The following C6 variants were observed in gnomAD, a reference collection of about 807,000 sequenced individuals.
C6 encodes the protein complement component C6.
In C6, 101 loss-of-function variants were observed where a neutral mutation model predicts 112.9. The observed-to-expected ratio is 0.89, with a 90% CI of 0.76 to 1.06. The LOEUF is 1.06. C6 is among the 50% of genes least tolerant of loss of function. C6 has a pLI of 0.00. For synonymous variants in C6, 431 were observed against 384.1 expected, an observed-to-expected ratio of 1.12 and a Z score of -1.43; for missense variants, 1,202 against 1,104.6, an observed-to-expected ratio of 1.09 and a Z score of -1.25.
chr5:41,253,710 G>A (rs1741506332), intron 1 of C6, among the ~76,000 whole-genome samples: 1 of 152,132 alleles, frequency 6.6e-6, no homozygotes, highest in Non-Finnish European at 1.5e-5. Context: ...ATCCAGAGTG[G>A]AATGTAATTG....
rs1431950819 is a variant in C6, at chr5:41,230,028, T to C, written c.-20-26778A>G. Among the ~76,000 whole-genome samples, 7 of 152,314 alleles carry C rather than the reference T, an allele frequency of 4.6e-5. No homozygotes were observed. In the East Asian group the frequency reaches 1.4e-3, roughly 29 times the overall value. On this transcript the variant is annotated intron_variant, in intron 1 of 17. Transcript: ENST00000263413. The stretch of plus-strand genomic sequence containing the variant: ...AATCGCTGAACATAAATTGTGAAGA[T>C]TTCATGGACATTTATCACTTCCCTA...
chr5:41,203,176 C>G lies in C6; in HGVS notation c.55G>C (p.Gly19Arg). ...TAGTGATCACAGAAGCAGGCTTGGC[C>G]CTTGTTGATCAGAGCATTCAGCAGG... The part of the protein sequence containing the change: ...FILLNALINK[G>R]QACFCDHYAW... Residue 19 changes from glycine (G) to arginine (R), a missense_variant, in exon 2 of 18, where the codon GGC becomes CGC. Gly to Arg is a moderately radical substitution (Grantham distance 125). Coordinates refer to ENST00000337836, the MANE Select transcript of C6 (RefSeq NM_000065.5). The G allele has an allele frequency of 6.2e-7, 1 of 1,614,058 alleles. No homozygotes were observed. Among genetic ancestry groups the G allele is most frequent in the Non-Finnish European group, 8.5e-7 (1 of 1,179,986 alleles).
At chr5:41,158,972 A>G in intron 12 of C6, 110 bp downstream of exon 12, 2 of 1,358,494 alleles carry the variant, frequency 1.5e-6, no homozygotes, top group Admixed American at 1.7e-5. Flanking sequence ...TGGCATAGGT[A>G]AAGTTCTAAT....
intron 2 of C6, among the ~76,000 whole-genome samples, chr5:41,202,869 T>C (rs537497658): frequency 6.6e-6 from 1 of 152,342 alleles, no homozygotes; most frequent in South Asian, 2.1e-4. Context: ...GCACAGATTC[T>C]TAATTAAATT....
intron 1 of C6, among the ~76,000 whole-genome samples, chr5:41,210,002 C>T (rs1293941096): frequency 6.6e-6 from 1 of 152,162 alleles, no homozygotes; most frequent in Non-Finnish European, 1.5e-5. Context: ...CAGCATGGTA[C>T]TGGTACCAAA....
chr5:41,234,132 G>A (rs1289256649), intron 1 of C6, among the ~76,000 whole-genome samples: 1 of 152,002 alleles, frequency 6.6e-6, no homozygotes, highest in East Asian at 1.9e-4. Context: ...CTTTCCCACA[G>A]GGGTCATTCT....
chr5:41,209,545 G>A (rs567584740), intron 1 of C6, among the ~76,000 whole-genome samples: 2 of 152,252 alleles, frequency 1.3e-5, no homozygotes, highest in Admixed American at 6.5e-5. Flanking sequence ...AAATCAATGT[G>A]CAAAAATCAC....
At chr5:41,223,203 A>G (rs1467294869) in intron 1 of C6, among the ~76,000 whole-genome samples, 1 of 152,186 alleles carries the variant, frequency 6.6e-6, no homozygotes, top group Non-Finnish European at 1.5e-5. Context: ...CACACTGGGC[A>G]CTGGGGCGAT....
chr5:41,178,600 C>T (rs746729669), intron 7 of C6, among the ~76,000 whole-genome samples: 26 of 146,892 alleles, frequency 1.8e-4, no homozygotes, highest in Non-Finnish European at 2.7e-4. Flanking sequence ...CTCAGCCTCC[C>T]GAGTAGCTGG....
intron 1 of C6, among the ~76,000 whole-genome samples, chr5:41,210,469 C>G (rs1751820657): frequency 6.6e-6 from 1 of 152,154 alleles, no homozygotes; most frequent in Non-Finnish European, 1.5e-5. Flanking sequence ...ATCTACCCAT[C>G]CGACAAAGGG....
intron 9 of C6, among the ~76,000 whole-genome samples, chr5:41,165,377 T>C (rs1331247780): frequency 1.3e-5 from 2 of 152,198 alleles, no homozygotes; most frequent in African/African-American, 4.8e-5. Context: ...CAAAATGGTA[T>C]TACCAATTTA....
chr5:41,239,265 C>T (rs1740544970), intron 1 of C6, among the ~76,000 whole-genome samples: 1 of 151,944 alleles, frequency 6.6e-6, no homozygotes, highest in Admixed American at 6.6e-5. Flanking sequence ...GCCCGTGCCA[C>T]CACGCCCAGC....
At chr5:41,177,115 CT>C (rs1748921530) in intron 7 of C6, among the ~76,000 whole-genome samples, 1 of 152,156 alleles carries the variant, frequency 6.6e-6, no homozygotes, top group African/African-American at 2.4e-5. Context: ...AGTTATGCAA[CT>C]GAGATGGAGG....
At position 41,203,074 on chromosome 5, in the gene C6, A is replaced by G. The variant is rs199836012; in HGVS notation, c.143+14T>C. 6.2e-7 allele frequency: 1 copy of G among 1,613,754 alleles called. No homozygotes were observed. The highest frequency in any genetic ancestry group is 1.1e-5 in the South Asian group (1 of 91,066). ...TTCCAGGACACAAAGAAAAGCCACAAAGCTCACACCCACCTGTGTCTGCTC... is the reference window on the plus strand; with the variant it reads ...TTCCAGGACACAAAGAAAAGCCACAGAGCTCACACCCACCTGTGTCTGCTC... On this transcript the variant is annotated intron_variant, in intron 2 of 17. Transcript: ENST00000337836.
At chr5:41,176,741 A>T (rs1216271446) in intron 7 of C6, 26 bp from the exon 8 acceptor site, 1 of 1,599,276 alleles carries the variant, frequency 6.3e-7, no homozygotes, top group South Asian at 1.1e-5. Flanking sequence ...AAGTAAAAAG[A>T]TGATTAAAGG....
At chr5:41,240,009 C>T (rs1256314531) in intron 1 of C6, among the ~76,000 whole-genome samples, 1 of 152,140 alleles carries the variant, frequency 6.6e-6, no homozygotes, top group African/African-American at 2.4e-5. Flanking sequence ...TGACTAGACA[C>T]TTTTCTCTTG....
At chr5:41,207,813 G>C (rs966143770) in intron 1 of C6, among the ~76,000 whole-genome samples, 1 of 152,174 alleles carries the variant, frequency 6.6e-6, no homozygotes, top group Admixed American at 6.6e-5. Flanking sequence ...ACATGAGACA[G>C]ATCAACAAGA....
At chr5:41,231,445 C>T (rs1739892912) in intron 1 of C6, among the ~76,000 whole-genome samples, 1 of 152,070 alleles carries the variant, frequency 6.6e-6, no homozygotes, top group Admixed American at 6.6e-5. Context: ...ACAGTTAAAA[C>T]CAGTCCATTT....
Position 41,173,192 on chromosome 5 carries a change from C to T in C6, c.1169-845G>A, listed in dbSNP as rs145688234. Among the ~76,000 whole-genome samples the T allele has an allele frequency of 3.9e-3, 594 of 152,268 alleles. 6 individuals carry two copies. Among genetic ancestry groups the T allele is most frequent in the African/African-American group, 0.013 (543 of 41,556 alleles). Reference sequence around the variant, plus strand: ...CTTTCATTGGATGACTCCCCATGGTCTTATAACCTGCGAAAACCTTGATGC... The same window carrying T: ...CTTTCATTGGATGACTCCCCATGGTTTTATAACCTGCGAAAACCTTGATGC... On this transcript the variant is annotated intron_variant, in intron 8 of 17. Transcript: ENST00000337836.
Sources: allele counts gnomAD v4.1 joint callset (sites outside exome capture counted in the v4.1 genomes callset), GRCh38; gene constraint gnomAD v4.1.1; transcripts MANE v1.5; gene names NCBI Gene and HGNC (gene_info 2026-07-23, HGNC 2026-07-21).